The following LCMT1 variants were observed in gnomAD, a reference collection of about 807,000 sequenced individuals.
The protein encoded by LCMT1 is leucine carboxyl methyltransferase 1.
LCMT1 carries 32 observed loss-of-function variants against 47.7 expected under a neutral mutation model. The observed-to-expected ratio is 0.67, with a 90% CI of 0.51 to 0.90. LCMT1 has a LOEUF of 0.90. Ranked by LOEUF, LCMT1 falls within the 40% of genes least tolerant of loss-of-function variation. The pLI, the probability that LCMT1 is intolerant of heterozygous loss-of-function variation, is 0.00. For synonymous variants in LCMT1, 152 were observed against 149.7 expected (o/e 1.02, Z -0.11); for missense variants, 375 against 415.2 (o/e 0.90, Z 0.84).
chr16:25,149,738 A>C (rs561273813), intron 4 of LCMT1, among the ~76,000 whole-genome samples: 65 of 151,936 alleles, frequency 4.3e-4, no homozygotes, highest in Non-Finnish European at 7.9e-4. Context: ...ACATGGTGAA[A>C]CCTCGTCTCT....
chr16:25,133,477 C>T, intron 3 of LCMT1, among the ~76,000 whole-genome samples: 1 of 140,936 alleles, frequency 7.1e-6, no homozygotes, highest in Non-Finnish European at 1.5e-5. Context: ...TGGCTCACTG[C>T]AGCCTCCACC....
intron 2 of LCMT1, among the ~76,000 whole-genome samples, chr16:25,131,201 T>A (rs1315649420): frequency 1.3e-5 from 2 of 152,198 alleles, no homozygotes; most frequent in Admixed American, 1.3e-4. Context: ...TGCCAAGAAA[T>A]TTTAAAGTGG....
chr16:25,118,598 G>T (rs562193463), intron 1 of LCMT1, among the ~76,000 whole-genome samples: 12 of 152,242 alleles, frequency 7.9e-5, no homozygotes, highest in African/African-American at 2.9e-4. Flanking sequence ...GGGAGATGCA[G>T]TGGGTGTGTT....
chr16:25,138,697 G>A (rs1960577609), intron 3 of LCMT1, among the ~76,000 whole-genome samples: 1 of 152,206 alleles, frequency 6.6e-6, no homozygotes, highest in African/African-American at 2.4e-5. Context: ...ATTTTAGGGT[G>A]CTGCTTTCCT....
At chr16:25,155,568 A>G (rs1026297271) in intron 5 of LCMT1, among the ~76,000 whole-genome samples, 2 of 152,066 alleles carry the variant, frequency 1.3e-5, no homozygotes, top group African/African-American at 4.8e-5. Context: ...AAAAAGGGAA[A>G]TTGGGTTCTG....
chr16:25,132,601 A>G, intron 3 of LCMT1, 78 bp downstream of exon 3: 2 of 1,487,592 alleles, frequency 1.3e-6, no homozygotes, highest in Non-Finnish European at 1.8e-6. Flanking sequence ...CGAAATGTAA[A>G]CATATATTAA....
In LCMT1 at chr16:25,176,370, C is replaced by A. The variant is rs780238782; in HGVS notation, c.982+1336C>A. Among the ~76,000 whole-genome samples the A allele has an allele frequency of 2.0e-5, 3 of 151,996 alleles. No individual in the cohort carries two copies. The South Asian group carries it at 6.3e-4, about 32-fold the overall frequency. On this transcript the variant is annotated intron_variant, in intron 10 of 10. Coordinates refer to ENST00000399069, the MANE Select transcript of LCMT1 (RefSeq NM_016309.3). ...TGTGGTCACAAGCGGGCAGCTGATCCGAAACAGAACTTGACAGAGGCAAGG... is the reference window on the plus strand; with the variant it reads ...TGTGGTCACAAGCGGGCAGCTGATCAGAAACAGAACTTGACAGAGGCAAGG...
intron 1 of LCMT1, among the ~76,000 whole-genome samples, chr16:25,121,764 C>G (rs1203953021): frequency 4.5e-4 from 68 of 152,120 alleles, no homozygotes; most frequent in Non-Finnish European, 2.4e-4. Flanking sequence ...GAAACAGCCC[C>G]CATGATCCAG....
intron 4 of LCMT1, among the ~76,000 whole-genome samples, chr16:25,150,620 AGGC>A (rs1243427593): frequency 6.6e-6 from 1 of 152,164 alleles, no homozygotes; most frequent in Non-Finnish European, 1.5e-5. Context: ...CTGGGATTAC[AGGC>A]GTGAGCCACT....
chr16:25,150,644 C>T (rs971905717), intron 4 of LCMT1, among the ~76,000 whole-genome samples: 8 of 151,754 alleles, frequency 5.3e-5, no homozygotes, highest in Non-Finnish European at 2.9e-5. Flanking sequence ...GTGCCTGGCC[C>T]GCATCTTAAT....
intron 2 of LCMT1, among the ~76,000 whole-genome samples, chr16:25,131,859 G>T (rs1469145711): frequency 6.6e-6 from 1 of 152,160 alleles, no homozygotes; most frequent in African/African-American, 2.4e-5. Flanking sequence ...GTTTTTAGTA[G>T]CAAGCCATTT....
intron 4 of LCMT1, 146 bp from the exon 5 acceptor site, chr16:25,151,408 T>A: frequency 1.5e-6 from 1 of 657,886 alleles, no homozygotes; most frequent in Non-Finnish European, 2.6e-6. Flanking sequence ...CTGAAGCCCT[T>A]TTTAGAGGGG....
chr16:25,165,537 G>A (rs920827836), intron 7 of LCMT1, among the ~76,000 whole-genome samples: 1 of 148,224 alleles, frequency 6.7e-6, no homozygotes, highest in African/African-American at 2.5e-5. Context: ...TTCTTTTTAA[G>A]CCAGAGTTTC....
intron 1 of LCMT1, among the ~76,000 whole-genome samples, chr16:25,118,913 C>T (rs1959883140): frequency 6.6e-6 from 1 of 152,070 alleles, no homozygotes; most frequent in Non-Finnish European, 1.5e-5. Context: ...CCGACTTTTC[C>T]TCTCAGTGGG....
intron 5 of LCMT1, among the ~76,000 whole-genome samples, chr16:25,155,875 T>G (rs1961240441): frequency 6.6e-6 from 1 of 152,084 alleles, no homozygotes; most frequent in South Asian, 2.1e-4. Flanking sequence ...AGAGACAGGG[T>G]CTCGCTATGT....
intron 5 of LCMT1, among the ~76,000 whole-genome samples, chr16:25,157,982 G>GA (rs35621672): frequency 6.6e-6 from 1 of 151,786 alleles, no homozygotes; most frequent in African/African-American, 2.4e-5. Flanking sequence ...TTAGTCATTT[G>GA]AAAAAAAAGT....
At chr16:25,136,077 C>A (rs1051954536) in intron 3 of LCMT1, among the ~76,000 whole-genome samples, 1 of 127,460 alleles carries the variant, frequency 7.8e-6, no homozygotes, top group African/African-American at 3.0e-5. Context: ...GGTGTCCAAG[C>A]GAGATGCTGT....
rs771771338 is a variant in LCMT1 at position 25,170,751 on chromosome 16, C to T, written c.830C>T (p.Ser277Leu). Residue 277 changes from serine to leucine, a missense_variant, in exon 9 of 11, where the codon TCG becomes TTG. By Grantham distance (145) the Ser-to-Leu change is moderately radical. Transcript: ENST00000399069. ...RLLSNGWETA[S>L]AVDMMELYNR... ...CTGTCGAATGGGTGGGAAACAGCATCGGCCGTCGACATGATGGAGTTGTAC... is the reference window on the plus strand; with the variant it reads ...CTGTCGAATGGGTGGGAAACAGCATTGGCCGTCGACATGATGGAGTTGTAC... The T allele has an allele frequency of 4.3e-6, 7 of 1,613,376 alleles. No individual in the cohort carries two copies. Among genetic ancestry groups the T allele is most frequent in the African/African-American group, 2.7e-5 (2 of 75,016 alleles).
chr16:25,166,136 G>A (rs1019851078), intron 7 of LCMT1, among the ~76,000 whole-genome samples: 2 of 151,884 alleles, frequency 1.3e-5, no homozygotes, highest in African/African-American at 4.8e-5. Context: ...CAGGCATGGT[G>A]GCGGACGCCT....
Sources: gnomAD v4.1 joint callset for allele counts (sites outside exome capture counted in the v4.1 genomes callset) on GRCh38, gnomAD v4.1.1 for gene constraint, MANE v1.5 for transcripts, NCBI Gene and HGNC (gene_info 2026-07-23, HGNC 2026-07-21) for gene names.